Variants in EPHB2 observed in about 807,000 individuals in gnomAD.
EPHB2 encodes the protein EPH receptor B2, also known as ephrin type-B receptor 2.
In EPHB2, 18 loss-of-function variants were observed where a neutral mutation model predicts 96.4. The ratio of observed to expected loss-of-function variants is 0.19; its 90% CI spans 0.13 to 0.28. The LOEUF is 0.28. Ranked by LOEUF, EPHB2 falls within the 10% of genes least tolerant of loss-of-function variation. The pLI is 1.00. For missense variants in EPHB2, 989 were observed against 1,355.4 expected, an observed-to-expected ratio of 0.73 and a Z score of 4.25; for synonymous variants, 506 against 534.1, an observed-to-expected ratio of 0.95 and a Z score of 0.72.
At chr1:22,740,509 A>G (rs1183099467) in intron 1 of EPHB2, among the ~76,000 whole-genome samples, 1 of 152,146 alleles carries the variant, frequency 6.6e-6, no homozygotes, top group Non-Finnish European at 1.5e-5. Context: ...CCTCTGTGGC[A>G]TCAGCATTGA....
chr1:22,735,467 G>A (rs1338083354), intron 1 of EPHB2, among the ~76,000 whole-genome samples: 2 of 151,544 alleles, frequency 1.3e-5, no homozygotes, highest in African/African-American at 2.4e-5. Flanking sequence ...AGAAGAAGAA[G>A]CAGAAGTAGA....
At chr1:22,882,583 A>T in intron 6 of EPHB2, 100 bp downstream of exon 6, 1 of 1,571,304 alleles carries the variant, frequency 6.4e-7, no homozygotes, top group Non-Finnish European at 8.7e-7. Flanking sequence ...GATGAGACGC[A>T]CTGGTGCAGC....
At chr1:22,862,815 C>G (rs1638313327) in intron 3 of EPHB2, among the ~76,000 whole-genome samples, 1 of 152,106 alleles carries the variant, frequency 6.6e-6, no homozygotes, top group Non-Finnish European at 1.5e-5. Context: ...TGCTGGGAGC[C>G]CTAGACAGCT....
intron 3 of EPHB2, among the ~76,000 whole-genome samples, chr1:22,848,663 C>T (rs1382695657): frequency 2.0e-5 from 3 of 152,194 alleles, no homozygotes; most frequent in Non-Finnish European, 4.4e-5. Context: ...GTGACGGGTT[C>T]TGTACCCCTA....
chr1:22,795,911 C>T (rs995878741), intron 3 of EPHB2, among the ~76,000 whole-genome samples: 2 of 152,196 alleles, frequency 1.3e-5, no homozygotes, highest in Non-Finnish European at 2.9e-5. Flanking sequence ...AACCCATCCA[C>T]ACACTCCTCT....
intron 1 of EPHB2, among the ~76,000 whole-genome samples, chr1:22,770,864 T>A (rs1383127376): frequency 7.0e-6 from 1 of 143,840 alleles, no homozygotes; most frequent in Non-Finnish European, 1.5e-5. Context: ...GACAGATGGA[T>A]GGGGTGACAG....
chr1:22,804,303 C>CCAAT (rs34633057), intron 3 of EPHB2, among the ~76,000 whole-genome samples: 29,569 of 151,756 alleles, frequency 0.19, 2,953 homozygotes, highest in South Asian at 0.34. Context: ...ATGGAGAAAA[C>CCAAT]CAATCAATCA....
In EPHB2 at chr1:22,900,388, C is replaced by T. The variant is rs541579941; in HGVS notation, c.1765+3910C>T. 3.9e-5 allele frequency among the ~76,000 whole-genome samples: 6 copies of T among 152,318 alleles called. No individual in the cohort carries two copies. In the South Asian group the frequency reaches 6.2e-4, roughly 16 times the overall value. ...ATCATAGATGTGGCTAGACGTACTG[C>T]GTGCATTCTGTGTGCCAAGAATTGT... On this transcript the variant is annotated intron_variant, in intron 9 of 15. Transcript: ENST00000374630.
intron 1 of EPHB2, among the ~76,000 whole-genome samples, chr1:22,769,714 T>A (rs964447689): frequency 2.0e-5 from 3 of 152,210 alleles, no homozygotes; most frequent in Non-Finnish European, 4.4e-5. Context: ...AGCCTGATTC[T>A]CCAGTACTCA....
At chr1:22,751,181 G>A (rs1440039025) in intron 1 of EPHB2, among the ~76,000 whole-genome samples, 2 of 152,208 alleles carry the variant, frequency 1.3e-5, no homozygotes, top group Non-Finnish European at 2.9e-5. Flanking sequence ...GGTGGAGGGG[G>A]ATGCTCTGAA....
At chr1:22,759,178 C>T (rs972575160) in intron 1 of EPHB2, among the ~76,000 whole-genome samples, 1 of 152,136 alleles carries the variant, frequency 6.6e-6, no homozygotes, top group Non-Finnish European at 1.5e-5. Context: ...GCTTCCTCAC[C>T]TGCCATGAAG....
chr1:22,887,022 G>C (rs7536952), intron 6 of EPHB2, among the ~76,000 whole-genome samples: 5,807 of 152,176 alleles, frequency 0.038, 370 homozygotes, highest in African/African-American at 0.13. Context: ...ATGCAGGTTT[G>C]TGATTTGTAG....
chr1:22,883,369 C>T (rs1441787956), intron 6 of EPHB2, among the ~76,000 whole-genome samples: 1 of 152,216 alleles, frequency 6.6e-6, no homozygotes, highest in Non-Finnish European at 1.5e-5. Flanking sequence ...AGGTAGACAG[C>T]ACAATTGCCC....
chr1:22,802,175 G>C (rs1318017561), intron 3 of EPHB2, among the ~76,000 whole-genome samples: 2 of 152,142 alleles, frequency 1.3e-5, no homozygotes, highest in Admixed American at 1.3e-4. Flanking sequence ...GGGCTAGGGG[G>C]CAGACTAGCC....
chr1:22,715,374 C>T (rs1266347871), intron 1 of EPHB2, among the ~76,000 whole-genome samples: 2 of 152,044 alleles, frequency 1.3e-5, no homozygotes, highest in African/African-American at 4.8e-5. Flanking sequence ...TAGACAAGTC[C>T]ACTTCTGATG....
intron 1 of EPHB2, among the ~76,000 whole-genome samples, chr1:22,731,586 T>C (rs1040232761): frequency 3.3e-5 from 5 of 152,192 alleles, no homozygotes; most frequent in African/African-American, 1.2e-4. Context: ...ATGCCTGTAA[T>C]CCCAGCACTT....
intron 3 of EPHB2, among the ~76,000 whole-genome samples, chr1:22,839,161 A>G (rs138961830): frequency 7.9e-5 from 12 of 152,248 alleles, no homozygotes; most frequent in South Asian, 2.1e-4. Context: ...GTACCAATCA[A>G]TCACGATGCT....
chr1:22,817,107 C>G (rs1645085655), intron 3 of EPHB2, among the ~76,000 whole-genome samples: 1 of 152,184 alleles, frequency 6.6e-6, no homozygotes, highest in African/African-American at 2.4e-5. Context: ...CCACAGCCAG[C>G]CCCCAAGGGT....
chr1:22,828,875 T>C (rs1443750246), intron 3 of EPHB2, among the ~76,000 whole-genome samples: 2 of 152,234 alleles, frequency 1.3e-5, no homozygotes, highest in Admixed American at 6.5e-5. Flanking sequence ...CATAGACTAT[T>C]AAAATTGTAG....
Sources: gnomAD v4.1 joint callset for allele counts (sites outside exome capture counted in the v4.1 genomes callset) on GRCh38, gnomAD v4.1.1 for gene constraint, MANE v1.5 for transcripts, NCBI Gene and HGNC (gene_info 2026-07-23, HGNC 2026-07-21) for gene names.